The following ABLIM2 variants were observed in gnomAD, a reference collection of about 807,000 sequenced individuals.
ABLIM2 encodes actin binding LIM protein family member 2.
In ABLIM2, 53 loss-of-function variants were observed where a neutral mutation model predicts 97.7. The observed-to-expected ratio is 0.54, with a 90% CI of 0.44 to 0.68. The LOEUF (loss-of-function observed/expected upper bound fraction) is 0.68. Among genes scored for constraint, ABLIM2 ranks in the 30% least tolerant of loss-of-function variants. ABLIM2 has a pLI of 0.00. For missense variants in ABLIM2, 835 were observed against 867.2 expected, an observed-to-expected ratio of 0.96 and a Z score of 0.47; for synonymous variants, 361 against 345.8, an observed-to-expected ratio of 1.04 and a Z score of -0.49.
intron 1 of ABLIM2, among the ~76,000 whole-genome samples, chr4:8,152,735 C>A (rs1378831613): frequency 6.6e-6 from 1 of 152,232 alleles, no homozygotes; most frequent in Non-Finnish European, 1.5e-5. Flanking sequence ...TATCCCAGGA[C>A]ATGACCCATG....
intron 16 of ABLIM2, chr4:8,007,383 G>A: frequency 1.0e-6 from 1 of 985,442 alleles, no homozygotes; most frequent in Non-Finnish European, 1.2e-6. Context: ...TCGAAGCTAA[G>A]CCCAAGCCTT....
chr4:8,077,852 T>G, intron 5 of ABLIM2, 131 bp from the exon 6 acceptor site: 1 of 719,296 alleles, frequency 1.4e-6, no homozygotes, highest in Non-Finnish European at 2.4e-6. Context: ...CAGGTAACAA[T>G]GCTTCCAACA....
rs1577465309 is a variant in ABLIM2 at position 8,087,153 on chromosome 4, A to C, written c.454+1016T>G. On this transcript the variant is annotated intron_variant, in intron 4 of 20. Coordinates refer to ENST00000447017, the MANE Select transcript of ABLIM2 (RefSeq NM_001130083.2). This position sits in a 1 kb window ranked among gnomAD's most constrained non-coding sequence, Gnocchi z 4.6. Reference sequence around the variant, plus strand: ...ATGTTGACCCCAGAAATCAGGAGAAACCCCTCCTCTGTCTGGGGACACCCC... The same window carrying C: ...ATGTTGACCCCAGAAATCAGGAGAACCCCCTCCTCTGTCTGGGGACACCCC... Among the ~76,000 whole-genome samples, 1 of 151,796 alleles carries C rather than the reference A, an allele frequency of 6.6e-6. No homozygotes were observed. The highest frequency in any genetic ancestry group is 1.9e-4 in the East Asian group (1 of 5,186).
At chr4:8,118,759 C>T (rs984350269) in intron 1 of ABLIM2, among the ~76,000 whole-genome samples, 2 of 152,194 alleles carry the variant, frequency 1.3e-5, no homozygotes, top group African/African-American at 4.8e-5. Flanking sequence ...ACTGTGTGCC[C>T]ATCTCACCTG....
intron 1 of ABLIM2, among the ~76,000 whole-genome samples, chr4:8,146,810 G>A (rs973766375): frequency 1.3e-5 from 2 of 152,156 alleles, no homozygotes; most frequent in African/African-American, 4.8e-5. Flanking sequence ...GATTACAGGT[G>A]TGAGCCACCA....
chr4:8,070,356 C>G (rs1811150802), intron 6 of ABLIM2, among the ~76,000 whole-genome samples: 1 of 151,554 alleles, frequency 6.6e-6, no homozygotes, highest in Admixed American at 6.6e-5. Flanking sequence ...CTTCTAGATG[C>G]CAGCAGTAGT....
At chr4:8,107,291 C>G (rs1230455621) in intron 1 of ABLIM2, among the ~76,000 whole-genome samples, 1 of 152,236 alleles carries the variant, frequency 6.6e-6, no homozygotes, top group Admixed American at 6.5e-5. Flanking sequence ...GGGGACCGGG[C>G]AGGGGGACAC....
At chr4:8,066,508 C>T (rs1317604311) in intron 6 of ABLIM2, 1 of 152,078 alleles carries the variant, frequency 6.6e-6, no homozygotes, top group Non-Finnish European at 1.5e-5. Context: ...ATAGAAACAG[C>T]CCCGGTGTCC....
At position 8,071,648 on chromosome 4, in the gene ABLIM2, A is replaced by C; in HGVS notation, c.675+5980T>G. On this transcript the variant is annotated intron_variant, in intron 6 of 20. Transcript: ENST00000447017. The surrounding 1 kb of genome is among the most constrained non-coding windows in gnomAD (Gnocchi z 6.2). ...TAGGGGGCAAAACGGGGGTGGGGGA[A>C]CAGGTGGCTCCGAGGTCTCACACCT... 2.1e-6 allele frequency: 2 copies of C among 941,270 alleles called. No homozygotes were observed. Among genetic ancestry groups the C allele is most frequent in the Non-Finnish European group, 1.3e-6 (1 of 789,822 alleles). The allele number at this position is 941,270 out of a possible 1,614,324, so 58.3% of individuals were successfully genotyped here.
intron 20 of ABLIM2, among the ~76,000 whole-genome samples, chr4:7,969,870 A>G (rs1346153601): frequency 1.3e-5 from 2 of 152,016 alleles, no homozygotes; most frequent in African/African-American, 4.8e-5. Context: ...GAAATGAACC[A>G]CTTGCGTGGT....
intron 19 of ABLIM2, 24 bp from the exon 20 acceptor site, chr4:7,983,368 G>T: frequency 6.2e-7 from 1 of 1,606,082 alleles, no homozygotes. Flanking sequence ...AAACCACAGG[G>T]TCACCTCACG....
chr4:8,019,737 G>A lies in ABLIM2; in HGVS notation c.1370-66C>T, dbSNP rs1772180522. The A allele has an allele frequency of 6.8e-7, 1 of 1,462,056 alleles. No individual in the cohort carries two copies. Among genetic ancestry groups the A allele is most frequent in the Non-Finnish European group, 9.5e-7 (1 of 1,051,342 alleles). 90.6% of individuals were successfully genotyped at this position (1,462,056 alleles called of 1,614,324 possible). A position where few individuals can be genotyped will look rare whatever the true frequency, so the allele number is the denominator to read the frequency against. ...TAAGCAGCAAGTTGTGATGGTTTCT[G>A]TTCTACAGCTTTTTGTAAGCAACAA... is the stretch of plus-strand genomic sequence containing the variant. On this transcript the variant is annotated intron_variant, in intron 13 of 20. Coordinates refer to ENST00000447017, the MANE Select transcript of ABLIM2 (RefSeq NM_001130083.2). This position sits in a 1 kb window ranked among gnomAD's most constrained non-coding sequence, Gnocchi z 4.3.
intron 18 of ABLIM2, 132 bp downstream of exon 18, chr4:7,984,707 C>T (rs1406866204): frequency 1.4e-5 from 14 of 970,096 alleles, no homozygotes; most frequent in South Asian, 1.8e-5. Flanking sequence ...CGCCCTCCCC[C>T]GAGGTGTCCC....
intron 14 of ABLIM2, chr4:8,010,341 C>CTGAACAA: frequency 2.0e-6 from 2 of 983,698 alleles, no homozygotes; most frequent in Non-Finnish European, 2.4e-6. Context: ...ACCCCATGCA[C>CTGAACAA]TGAACAATTA....
rs1422741463 is a variant in ABLIM2, at chr4:7,966,982, G to A, written c.*8C>T. 1 of 1,610,836 alleles carries A rather than the reference G, an allele frequency of 6.2e-7. No individual in the cohort carries two copies. The highest frequency in any genetic ancestry group is 1.1e-5 in the South Asian group (1 of 91,014). ...CCGGCACACACCAGTGGGGCAGGCT[G>A]GCAGCCGTCAGAACAAAAGGGCTTT... On this transcript the variant is annotated 3_prime_UTR_variant, in exon 21 of 21. Transcript: ENST00000447017.
At chr4:8,089,326 C>CA (rs1278249884) in intron 3 of ABLIM2, among the ~76,000 whole-genome samples, 2 of 152,196 alleles carry the variant, frequency 1.3e-5, no homozygotes, top group Non-Finnish European at 2.9e-5. Context: ...CACCTGCTGC[C>CA]ATCAAGCTCC....
At chr4:8,141,204 A>G (rs1423775539) in intron 1 of ABLIM2, among the ~76,000 whole-genome samples, 3 of 151,200 alleles carry the variant, frequency 2.0e-5, no homozygotes, top group Non-Finnish European at 4.4e-5. Flanking sequence ...CACCCCCCGG[A>G]GCCCTAAGTA....
chr4:8,029,338 G>T (rs1779358080), intron 11 of ABLIM2, among the ~76,000 whole-genome samples: 1 of 152,110 alleles, frequency 6.6e-6, no homozygotes, highest in South Asian at 2.1e-4. Context: ...GACGTCTCTT[G>T]CCACCCAATC....
At chr4:7,967,182 A>T (rs1723536040) in intron 20 of ABLIM2, 79 bp from the exon 21 acceptor site, 19 of 1,208,992 alleles carry the variant, frequency 1.6e-5, no homozygotes, top group Non-Finnish European at 2.2e-5. Flanking sequence ...GCTGCCGCCA[A>T]GCAATCCAGG....
Sources: gnomAD v4.1 joint callset for allele counts (sites outside exome capture counted in the v4.1 genomes callset) on GRCh38, gnomAD v4.1.1 for gene constraint, Gnocchi (gnomAD v3.1) non-coding constraint, MANE v1.5 for transcripts, NCBI Gene and HGNC (gene_info 2026-07-23, HGNC 2026-07-21) for gene names.